The following ITPK1 variants were observed in gnomAD, a reference collection of about 807,000 sequenced individuals.
ITPK1 encodes the protein inositol 1,3,4-trisphosphate 5/6-kinase.
In ITPK1, 21 loss-of-function variants were observed where a neutral mutation model predicts 45.3. The ratio of observed to expected loss-of-function variants is 0.46; its 90% CI spans 0.33 to 0.67. ITPK1 has a LOEUF of 0.67. ITPK1 is among the 30% of genes least tolerant of loss of function. The pLI is 0.02. For missense variants in ITPK1, 474 were observed against 573.5 expected (o/e 0.83, Z 1.77); for synonymous variants, 258 against 253.6 (o/e 1.02, Z -0.16).
intron 2 of ITPK1, among the ~76,000 whole-genome samples, chr14:93,108,002 G>A (rs1483812841): frequency 6.6e-6 from 1 of 152,252 alleles, no homozygotes; most frequent in South Asian, 2.1e-4. Flanking sequence ...TTTGGCCAGT[G>A]GTGAGTGGGG....
At chr14:92,966,001 A>G (rs1378879803) in intron 5 of ITPK1, among the ~76,000 whole-genome samples, 1 of 152,238 alleles carries the variant, frequency 6.6e-6, no homozygotes, top group African/African-American at 2.4e-5. Context: ...GAAACTCCAT[A>G]TCAAAAAAAG....
chr14:92,940,795 G>A lies in ITPK1; in HGVS notation c.*766C>T, dbSNP rs746444980. The A allele has an allele frequency of 7.8e-6, 10 of 1,281,450 alleles. No individual in the cohort carries two copies. Among genetic ancestry groups the A allele is most frequent in the African/African-American group, 1.5e-5 (1 of 65,792 alleles). 79.4% of individuals were successfully genotyped at this position (1,281,450 alleles called of 1,614,324 possible). ...TCCTCAGCACAGGCGCCATCGGCTC[G>A]GGCCTCCAGCCAGGCAGCCTCCTTC... On this transcript the variant is annotated 3_prime_UTR_variant, in exon 11 of 11. Transcript: ENST00000267615.
chr14:92,977,420 C>T (rs918574947), intron 5 of ITPK1, among the ~76,000 whole-genome samples: 1 of 152,220 alleles, frequency 6.6e-6, no homozygotes, highest in Non-Finnish European at 1.5e-5. Context: ...GAAGGTGCAG[C>T]CTTCTCGTCC....
chr14:93,008,376 C>T (rs1409792678), intron 4 of ITPK1, among the ~76,000 whole-genome samples: 1 of 132,474 alleles, frequency 7.5e-6, no homozygotes, highest in Non-Finnish European at 1.6e-5. Context: ...ATTGTTGCAT[C>T]TGTAATGTCT....
At chr14:93,078,006 G>A (rs902345286) in intron 2 of ITPK1, among the ~76,000 whole-genome samples, 2 of 152,152 alleles carry the variant, frequency 1.3e-5, no homozygotes, top group Non-Finnish European at 2.9e-5. Flanking sequence ...CTTGGAGCAG[G>A]GACTATGCCA....
intron 2 of ITPK1, among the ~76,000 whole-genome samples, chr14:93,100,524 G>C (rs1268087310): frequency 6.6e-6 from 1 of 151,258 alleles, no homozygotes; most frequent in African/African-American, 2.4e-5. Flanking sequence ...AGGGGGCCGG[G>C]GGGAGAGAGG....
intron 3 of ITPK1, among the ~76,000 whole-genome samples, chr14:93,061,872 G>T (rs531846749): frequency 4.7e-4 from 71 of 152,356 alleles, no homozygotes; most frequent in African/African-American, 1.7e-3. Context: ...ATAATATTAT[G>T]CAGTCATTTA....
rs189292149 is a variant in ITPK1, at chr14:92,983,950, G to T, written c.364+9930C>A. Among the ~76,000 whole-genome samples, 124 of 152,272 alleles carry T rather than the reference G, an allele frequency of 8.1e-4. 1 individual carries two copies. The highest frequency in any genetic ancestry group is 2.8e-3 in the African/African-American group (115 of 41,564). Reference sequence around the variant, plus strand: ...AGACCTGATCCCCCTCATCTTCATGGGCTAACATGGAAAGAAGCGAAGCAA... The same window carrying T: ...AGACCTGATCCCCCTCATCTTCATGTGCTAACATGGAAAGAAGCGAAGCAA... On this transcript the variant is annotated intron_variant, in intron 5 of 10. Coordinates refer to ENST00000267615, the MANE Select transcript of ITPK1 (RefSeq NM_014216.6).
At chr14:93,038,271 G>A (rs534926865) in intron 3 of ITPK1, among the ~76,000 whole-genome samples, 8 of 152,228 alleles carry the variant, frequency 5.3e-5, no homozygotes, top group African/African-American at 1.9e-4. Flanking sequence ...CTGACCTCAC[G>A]TGATCTGCCC....
chr14:93,041,211 GGGCCAGGCTTCCACTGCCC>G (rs1378305502), intron 3 of ITPK1, among the ~76,000 whole-genome samples: 1 of 152,174 alleles, frequency 6.6e-6, no homozygotes, highest in African/African-American at 2.4e-5. Context: ...TATAAGGCAA[GGGCCAGGCTTCCACTGCCC>G]GGCCAGGATC....
intron 4 of ITPK1, among the ~76,000 whole-genome samples, chr14:93,005,493 T>C (rs971771994): frequency 1.3e-5 from 2 of 152,094 alleles, no homozygotes; most frequent in African/African-American, 4.8e-5. Context: ...TCCCAGGGCC[T>C]GGAGCTCCCA....
intron 3 of ITPK1, chr14:93,070,475 T>G (rs1890950612): frequency 6.6e-6 from 1 of 152,284 alleles, no homozygotes; most frequent in East Asian, 1.9e-4. Context: ...CCAAGGCTCC[T>G]GTGTACGGGG....
intron 9 of ITPK1, among the ~76,000 whole-genome samples, chr14:92,949,668 C>T (rs1764207162): frequency 6.6e-6 from 1 of 152,262 alleles, no homozygotes. Flanking sequence ...GAGCTGCTGC[C>T]TCAGGCTGAC....
chr14:93,095,125 G>A (rs1037823324), intron 2 of ITPK1, among the ~76,000 whole-genome samples: 18 of 152,154 alleles, frequency 1.2e-4, no homozygotes, highest in African/African-American at 3.1e-4. Flanking sequence ...CGGGGTGCAG[G>A]AGGAACTCGG....
At chr14:93,027,850 C>A (rs1306630884) in intron 3 of ITPK1, among the ~76,000 whole-genome samples, 1 of 152,356 alleles carries the variant, frequency 6.6e-6, no homozygotes, top group East Asian at 1.9e-4. Flanking sequence ...AAGGGGCTCA[C>A]TGAAAACCCT....
chr14:93,106,788 C>T (rs1892542914), intron 2 of ITPK1, among the ~76,000 whole-genome samples: 1 of 152,116 alleles, frequency 6.6e-6, no homozygotes, highest in African/African-American at 2.4e-5. Context: ...CAGGACTTGC[C>T]CACAAGCCCC....
At chr14:93,000,084 TC>T (rs1362649780) in intron 4 of ITPK1, among the ~76,000 whole-genome samples, 1 of 152,254 alleles carries the variant, frequency 6.6e-6, no homozygotes, top group Non-Finnish European at 1.5e-5. Flanking sequence ...AGTGCTTTGT[TC>T]TTCTTTAAGA....
chr14:93,110,895 G>A (rs946889333), intron 2 of ITPK1, among the ~76,000 whole-genome samples: 8 of 152,278 alleles, frequency 5.3e-5, no homozygotes, highest in East Asian at 1.9e-4. Context: ...CATTCTCAGC[G>A]CAAAGGCCTC....
chr14:93,096,776 T>A lies in ITPK1; in HGVS notation c.95+18293A>T, dbSNP rs1892098417. Reference sequence around the variant, plus strand: ...CTAGAATGTAGGGGCTCCAATGTTCTAACCTCCTCTTCCAGCTGAGAAAAA... The same window carrying A: ...CTAGAATGTAGGGGCTCCAATGTTCAAACCTCCTCTTCCAGCTGAGAAAAA... On this transcript the variant is annotated intron_variant, in intron 2 of 10. Coordinates refer to ENST00000267615, the MANE Select transcript of ITPK1 (RefSeq NM_014216.6). Among the ~76,000 whole-genome samples the A allele has an allele frequency of 2.6e-5, 4 of 152,216 alleles. No homozygotes were observed. The South Asian group carries it at 8.3e-4, about 31-fold the overall frequency.
Sources: allele counts gnomAD v4.1 joint callset (sites outside exome capture counted in the v4.1 genomes callset), GRCh38; gene constraint gnomAD v4.1.1; transcripts MANE v1.5; gene names NCBI Gene and HGNC (gene_info 2026-07-23, HGNC 2026-07-21).